The following RIGI variants were observed in gnomAD, a reference collection of about 807,000 sequenced individuals.
RIGI encodes the protein RNA sensor RIG-I.
At chr9:32,474,795 T>TA in the RIGI span, among the ~76,000 whole-genome samples, 1 of 152,196 alleles carries the variant, frequency 6.6e-6, no homozygotes, top group Admixed American at 6.5e-5. Flanking sequence ...AGATGTTTGT[T>TA]GTTTCCAGAC....
At chr9:32,468,911 T>G in the RIGI span, among the ~76,000 whole-genome samples, 1 of 152,228 alleles carries the variant, frequency 6.6e-6, no homozygotes, top group Non-Finnish European at 1.5e-5. Flanking sequence ...TGTTTCTTTC[T>G]CCTGCTAGGC....
At chr9:32,524,596 GTT>G in the RIGI span, among the ~76,000 whole-genome samples, 40 of 67,574 alleles carry the variant, frequency 5.9e-4, no homozygotes, top group African/African-American at 1.8e-3. Context: ...TTGTTTTTCG[GTT>G]TTTTTTTTTT....
the RIGI span, among the ~76,000 whole-genome samples, chr9:32,492,041 G>C: frequency 4.6e-5 from 7 of 152,164 alleles, no homozygotes; most frequent in Admixed American, 4.6e-4. Flanking sequence ...TCTGAAAAGG[G>C]GGTAAGTCCT....
the RIGI span, among the ~76,000 whole-genome samples, chr9:32,512,882 C>T: frequency 2.0e-5 from 3 of 152,008 alleles, no homozygotes; most frequent in South Asian, 2.1e-4. Context: ...TCTCAGGATA[C>T]AAAATCAATG....
At chr9:32,524,596 G>GTTTTTTTTTTTTTTTTTT in the RIGI span, among the ~76,000 whole-genome samples, 13 of 67,578 alleles carry the variant, frequency 1.9e-4, 2 homozygotes, top group Non-Finnish European at 2.8e-4. Context: ...TTGTTTTTCG[G>GTTTTTTTTTTTTTTTTTT]TTTTTTTTTT....
chr9:32,458,149 C>G, the RIGI span, among the ~76,000 whole-genome samples: 23 of 152,180 alleles, frequency 1.5e-4, no homozygotes, highest in Non-Finnish European at 3.1e-4. Flanking sequence ...TCATCTGAGC[C>G]AGCCCAGCCC....
At chr9:32,463,265 G>T in the RIGI span, among the ~76,000 whole-genome samples, 1 of 152,036 alleles carries the variant, frequency 6.6e-6, no homozygotes, top group Non-Finnish European at 1.5e-5. Flanking sequence ...TTTTTCAGTT[G>T]TAAAACTGTT....
the RIGI span, among the ~76,000 whole-genome samples, chr9:32,515,341 C>T: frequency 7.7e-5 from 11 of 142,898 alleles, 1 homozygote; most frequent in South Asian, 2.2e-4. Flanking sequence ...AAAAGCCACA[C>T]GTTTGTTTTT....
At chr9:32,521,079 AG>A in the RIGI span, among the ~76,000 whole-genome samples, 1 of 141,108 alleles carries the variant, frequency 7.1e-6, no homozygotes, top group Non-Finnish European at 1.5e-5. Context: ...CAGGAGGCAG[AG>A]GTTGCAGTGA....
the RIGI span, chr9:32,493,996 T>C: frequency 2.6e-5 from 34 of 1,307,430 alleles, no homozygotes; most frequent in Non-Finnish European, 3.4e-5. Context: ...GAAAAATACT[T>C]TGAGATTAGT....
the RIGI span, chr9:32,526,039 A>G: frequency 2.5e-6 from 4 of 1,575,494 alleles, no homozygotes; most frequent in South Asian, 4.4e-5. Flanking sequence ...TCCGCCGAGA[A>G]GGCGCCGCTG....
chr9:32,469,467 G>A, the RIGI span, among the ~76,000 whole-genome samples: 1 of 152,196 alleles, frequency 6.6e-6, no homozygotes, highest in Non-Finnish European at 1.5e-5. Flanking sequence ...AGCAGAGACA[G>A]CAATCTGTAA....
the RIGI span, chr9:32,487,829 G>C: frequency 3.0e-4 from 403 of 1,350,926 alleles, 2 homozygotes; most frequent in East Asian, 8.0e-3. Flanking sequence ...ATAATGAGTT[G>C]TACAATATGG....
chr9:32,479,738 G>A, the RIGI span, among the ~76,000 whole-genome samples: 5 of 151,548 alleles, frequency 3.3e-5, no homozygotes, highest in Admixed American at 3.3e-4. Flanking sequence ...TCGGGAGGCT[G>A]AGACATGAGA....
At chr9:32,514,723 A>T in the RIGI span, among the ~76,000 whole-genome samples, 1 of 152,230 alleles carries the variant, frequency 6.6e-6, no homozygotes, top group Non-Finnish European at 1.5e-5. Flanking sequence ...TTAAAGTATA[A>T]TTTAAAAAAG....
At chr9:32,466,725 A>C in the RIGI span, among the ~76,000 whole-genome samples, 1 of 148,682 alleles carries the variant, frequency 6.7e-6, no homozygotes, top group Admixed American at 6.7e-5. Flanking sequence ...AAAGACTCAA[A>C]TGCAGGTGTG....
the RIGI span, among the ~76,000 whole-genome samples, chr9:32,479,812 G>A: frequency 8.7e-5 from 13 of 150,140 alleles, no homozygotes; most frequent in East Asian, 2.5e-3. Context: ...ACTTGACCCT[G>A]GGCGACAAAG....
the RIGI span, chr9:32,491,312 C>T: frequency 6.2e-7 from 1 of 1,613,174 alleles, no homozygotes; most frequent in Non-Finnish European, 8.5e-7. Context: ...TGAAGGTGGA[C>T]ATGAATTCTC....
At chr9:32,493,408 G>A in the RIGI span, among the ~76,000 whole-genome samples, 4 of 152,084 alleles carry the variant, frequency 2.6e-5, no homozygotes, top group East Asian at 3.9e-4. Flanking sequence ...GGTGGATCAC[G>A]AGGTCAGGAG....
Sources: gnomAD v4.1 joint callset for allele counts (sites outside exome capture counted in the v4.1 genomes callset) on GRCh38, gnomAD v4.1.1 for gene constraint, MANE v1.5 for transcripts, NCBI Gene and HGNC (gene_info 2026-07-23, HGNC 2026-07-21) for gene names.